LIN54: variants seen among roughly 807,000 people sequenced by gnomAD.
LIN54 encodes the protein lin-54 DREAM MuvB core complex component, also known as protein lin-54 homolog.
LIN54 carries 9 observed loss-of-function variants against 78.7 expected under a neutral mutation model. The observed-to-expected ratio is 0.11, with a 90% CI of 0.07 to 0.20. The LOEUF (loss-of-function observed/expected upper bound fraction) is 0.20, where lower values mean the gene tolerates loss of function less well. Among genes scored for constraint, LIN54 ranks in the 10% least tolerant of loss-of-function variants. LIN54 has a pLI of 1.00. For synonymous variants in LIN54, 269 were observed against 318.4 expected (o/e 0.84, Z 1.65); for missense variants, 573 against 889.9 (o/e 0.64, Z 4.53).
chr4:82,987,537 A>G (rs1428274738), intron 1 of LIN54, among the ~76,000 whole-genome samples: 2 of 151,280 alleles, frequency 1.3e-5, no homozygotes, highest in Non-Finnish European at 3.0e-5. Context: ...CTTGACCCCA[A>G]CCCCCCACCA....
intron 1 of LIN54, among the ~76,000 whole-genome samples, chr4:82,995,974 C>T (rs371800129): frequency 6.6e-6 from 1 of 151,674 alleles, no homozygotes; most frequent in Non-Finnish European, 1.5e-5. Context: ...GGAGAAACCC[C>T]GTCTCTACTA....
At chr4:82,998,630 G>A (rs1560791138) in intron 1 of LIN54, among the ~76,000 whole-genome samples, 1 of 151,722 alleles carries the variant, frequency 6.6e-6, no homozygotes, top group African/African-American at 2.4e-5. Context: ...GAAAGAAACA[G>A]AGAAAGAAAA....
chr4:82,961,814 G>A (rs1724821776), intron 4 of LIN54, among the ~76,000 whole-genome samples: 1 of 152,054 alleles, frequency 6.6e-6, no homozygotes, highest in South Asian at 2.1e-4. Flanking sequence ...AATTAGCCAG[G>A]CTGTAGTGGC....
At chr4:82,929,828 C>A (rs1012720998) in intron 12 of LIN54, among the ~76,000 whole-genome samples, 1 of 151,998 alleles carries the variant, frequency 6.6e-6, no homozygotes, top group Non-Finnish European at 1.5e-5. Flanking sequence ...AAACAAAAAA[C>A]CAAAACTAAT....
intron 11 of LIN54, among the ~76,000 whole-genome samples, chr4:82,933,713 G>A (rs1193630943): frequency 6.6e-6 from 1 of 152,160 alleles, no homozygotes; most frequent in African/African-American, 2.4e-5. Context: ...CAGTGTATCT[G>A]TCCCGACAAA....
At position 82,927,911 on chromosome 4, in the gene LIN54, C is replaced by A. The variant is rs1479026314; in HGVS notation, c.*191G>T. 5 of 557,668 alleles carry A rather than the reference C, an allele frequency of 9.0e-6. No individual in the cohort carries two copies. Among genetic ancestry groups the A allele is most frequent in the Admixed American group, 6.4e-5 (2 of 31,312 alleles). 34.5% of individuals were successfully genotyped at this position (557,668 alleles called of 1,614,324 possible). ...AAATTCAATTTAGAAGGGGCATAAG[C>A]AGATTTAACTAAGATTTAAAATGTA... On this transcript the variant is annotated 3_prime_UTR_variant, in exon 13 of 13. Transcript: ENST00000340417.
At chr4:82,966,416 C>T (rs1022082504) in intron 4 of LIN54, among the ~76,000 whole-genome samples, 5 of 150,268 alleles carry the variant, frequency 3.3e-5, no homozygotes, top group Admixed American at 6.7e-5. Context: ...CCATGCCAGA[C>T]TTACTAAACG....
intron 4 of LIN54, among the ~76,000 whole-genome samples, chr4:82,951,712 A>T (rs565364907): frequency 6.6e-6 from 1 of 152,284 alleles, no homozygotes; most frequent in South Asian, 2.1e-4. Flanking sequence ...ATTCCTTTTA[A>T]CAAATTACAA....
intron 4 of LIN54, among the ~76,000 whole-genome samples, chr4:82,947,232 T>A (rs1723448414): frequency 2.2e-5 from 1 of 45,324 alleles, no homozygotes; most frequent in African/African-American, 8.7e-5. Flanking sequence ...TATATATATA[T>A]ATATTTTTTT....
intron 4 of LIN54, among the ~76,000 whole-genome samples, chr4:82,948,247 A>T (rs984591482): frequency 2.0e-5 from 3 of 152,208 alleles, no homozygotes; most frequent in Non-Finnish European, 4.4e-5. Context: ...CTTGAAACAT[A>T]ATAGTTACAT....
rs539301394 is a variant in LIN54 at position 82,941,651 on chromosome 4, G to C, written c.1169-1689C>G. Among the ~76,000 whole-genome samples the C allele has an allele frequency of 5.3e-4, 80 of 152,268 alleles. 1 individual carries two copies. The South Asian group carries it at 0.016, about 31-fold the overall frequency. On this transcript the variant is annotated intron_variant, in intron 5 of 12. Transcript: ENST00000340417. ...TGAGGGTCTGATCTGGAGTGATCTG[G>C]AGTGACAGCAGTGGGAATAAAAAAG...
chr4:82,991,978 A>C (rs1335056021), intron 1 of LIN54, among the ~76,000 whole-genome samples: 2 of 152,208 alleles, frequency 1.3e-5, no homozygotes, highest in Non-Finnish European at 2.9e-5. Flanking sequence ...TAGCCTAATA[A>C]AATGAATTGG....
chr4:83,010,273 G>A (rs1479404500), intron 1 of LIN54, among the ~76,000 whole-genome samples: 1 of 152,128 alleles, frequency 6.6e-6, no homozygotes. Flanking sequence ...GTTCCTCTAG[G>A]CCTCAGCAGC....
rs536836671 is a variant in LIN54, at chr4:82,968,382, T to C, written c.951+1945A>G. Among the ~76,000 whole-genome samples the C allele has an allele frequency of 2.0e-5, 3 of 152,198 alleles. No homozygotes were observed. The South Asian group carries it at 6.2e-4, about 32-fold the overall frequency. The stretch of plus-strand genomic sequence containing the variant: ...GGGAAAAAAATAAAGCCAGTTCCTA[T>C]TCGTATGTCATCAGGTATAAACCAT... On this transcript the variant is annotated intron_variant, in intron 4 of 12. Coordinates refer to ENST00000340417, the MANE Select transcript of LIN54 (RefSeq NM_194282.4).
At chr4:82,985,338 C>G (rs6831398) in intron 1 of LIN54, among the ~76,000 whole-genome samples, 151,704 of 152,340 alleles carry the variant, frequency 1, 75,535 homozygotes, top group Middle Eastern at 1. Context: ...CAATGAGCTA[C>G]GTCCTAATAT....
chr4:82,979,119 A>C (rs1357083709), intron 2 of LIN54, 113 bp from the exon 3 acceptor site: 1 of 641,484 alleles, frequency 1.6e-6, no homozygotes, highest in Non-Finnish European at 2.6e-6. Flanking sequence ...CTCACTTAAC[A>C]GAATATATCT....
At chr4:82,934,515 A>G (rs1241117193) in intron 11 of LIN54, among the ~76,000 whole-genome samples, 2 of 152,218 alleles carry the variant, frequency 1.3e-5, no homozygotes, top group Admixed American at 6.5e-5. Flanking sequence ...TCCCTATTCT[A>G]CTTTACTTCC....
intron 5 of LIN54, chr4:82,944,898 G>A (rs2126042950): frequency 6.6e-6 from 1 of 152,540 alleles, no homozygotes; most frequent in South Asian, 2.1e-4. Flanking sequence ...GTCTCGCTCT[G>A]TCGCCCAGGC....
Position 82,936,269 on chromosome 4 carries a change from A to C in LIN54, c.1707+10T>G. ...ATTTCTGTCAGTTAAATGAAATAAA[A>C]AATAATCACCTTTATTGCTTTTTGC... On this transcript the variant is annotated intron_variant, in intron 10 of 12. Coordinates refer to ENST00000340417, the MANE Select transcript of LIN54 (RefSeq NM_194282.4). 1 of 1,539,082 alleles carries C rather than the reference A, an allele frequency of 6.5e-7. No individual in the cohort carries two copies. Among genetic ancestry groups the C allele is most frequent in the South Asian group, 1.2e-5 (1 of 85,942 alleles).
Sources: gnomAD v4.1 joint callset for allele counts (sites outside exome capture counted in the v4.1 genomes callset) on GRCh38, gnomAD v4.1.1 for gene constraint, MANE v1.5 for transcripts, NCBI Gene and HGNC (gene_info 2026-07-23, HGNC 2026-07-21) for gene names.